Variants in CCDC141 observed in about 807,000 individuals in gnomAD.
CCDC141 encodes the protein coiled-coil domain-containing protein 141.
In CCDC141, 168 loss-of-function variants were observed where a neutral mutation model predicts 181.0. The ratio of observed to expected loss-of-function variants is 0.93; its 90% CI spans 0.82 to 1.05. The LOEUF (loss-of-function observed/expected upper bound fraction) is 1.05, where lower values mean the gene tolerates loss of function less well. Ranked by LOEUF, CCDC141 falls within the 50% of genes least tolerant of loss-of-function variation. The pLI, the probability that CCDC141 is intolerant of heterozygous loss-of-function variation, is 0.00. For missense variants in CCDC141, 1,902 were observed against 1,788.5 expected (o/e 1.06, Z -1.14); for synonymous variants, 666 against 642.3 (o/e 1.04, Z -0.56).
chr2:178,901,496 A>C (rs1385697813), intron 8 of CCDC141, among the ~76,000 whole-genome samples: 3 of 152,220 alleles, frequency 2.0e-5, no homozygotes, highest in Admixed American at 2.0e-4. Context: ...ACAGAGCCAA[A>C]GACAAAAAGC....
intron 1 of CCDC141, among the ~76,000 whole-genome samples, chr2:179,048,415 ATAAGAGTT>A (rs1239960833): frequency 6.6e-6 from 1 of 152,160 alleles, no homozygotes. Context: ...TTCAGTTAAA[ATAAGAGTT>A]TCCAGTGTAA....
Position 178,855,385 on chromosome 2 carries a change from A to G in CCDC141, c.3022T>C (p.Leu1008=). 1.2e-6 allele frequency: 2 copies of G among 1,612,040 alleles called. No individual in the cohort carries two copies. The highest frequency in any genetic ancestry group is 1.3e-5 in the African/African-American group (1 of 74,982). ...TCCTGGAAATGCTCAGTCAGGTCCA[A>G]ATTCTTCTTGTAATCTGTCACAACT... is the stretch of plus-strand genomic sequence containing the variant. ...DKVVTDYKKN[L]DLTEHFQEVI... Residue 1008 remains leucine, a synonymous_variant, in exon 19 of 24, where the codon TTG becomes CTG. Transcript: ENST00000443758.
chr2:178,941,073 G>C (rs1364426327), intron 6 of CCDC141, among the ~76,000 whole-genome samples: 2 of 152,126 alleles, frequency 1.3e-5, no homozygotes, highest in Non-Finnish European at 2.9e-5. Flanking sequence ...AATGGCTGTG[G>C]ATAAGTCTAT....
intron 2 of CCDC141, among the ~76,000 whole-genome samples, chr2:179,029,569 G>T (rs2042948527): frequency 6.6e-6 from 1 of 152,072 alleles, no homozygotes; most frequent in African/African-American, 2.4e-5. Context: ...ACAATCCTTT[G>T]TGTACCAACT....
chr2:178,981,649 T>C (rs926735878), intron 2 of CCDC141, among the ~76,000 whole-genome samples: 1 of 100,196 alleles, frequency 1.0e-5, no homozygotes, highest in Non-Finnish European at 2.3e-5. Context: ...TATATATATA[T>C]ATATATATAC....
the CCDC141 span, among the ~76,000 whole-genome samples, chr2:178,815,087 C>G: frequency 6.6e-5 from 10 of 152,166 alleles, no homozygotes; most frequent in Non-Finnish European, 2.9e-5. Context: ...AATCTTCGAA[C>G]TTCAAGTCTT....
chr2:178,989,605 A>AAATAAAT (rs1553498032), intron 2 of CCDC141, among the ~76,000 whole-genome samples: 13 of 136,874 alleles, frequency 9.5e-5, no homozygotes, highest in African/African-American at 2.0e-4. Flanking sequence ...AAAAAAAAAA[A>AAATAAAT]AAATAAATAA....
At chr2:178,893,823 GCACACACA>G (rs34654821) in intron 8 of CCDC141, among the ~76,000 whole-genome samples, 1 of 141,892 alleles carries the variant, frequency 7.0e-6, no homozygotes, top group Non-Finnish European at 1.6e-5. Context: ...ACACACACAC[GCACACACA>G]CACACACACA....
the CCDC141 span, among the ~76,000 whole-genome samples, chr2:178,820,226 C>T: frequency 6.6e-6 from 1 of 152,092 alleles, no homozygotes; most frequent in African/African-American, 2.4e-5. Flanking sequence ...TATTTTTACT[C>T]TTCGTATTTG....
intron 2 of CCDC141, among the ~76,000 whole-genome samples, chr2:179,015,516 A>G (rs1451336012): frequency 1.5e-4 from 3 of 20,116 alleles, no homozygotes; most frequent in African/African-American, 3.2e-4. Flanking sequence ...TCATATATGT[A>G]TCACATATAT....
At chr2:178,858,622 A>C (rs1047393393) in intron 17 of CCDC141, among the ~76,000 whole-genome samples, 10 of 152,170 alleles carry the variant, frequency 6.6e-5, no homozygotes, top group African/African-American at 2.4e-4. Context: ...AAAACAGTTA[A>C]GCTGGTAAAT....
At chr2:178,915,250 T>C (rs570841409) in intron 7 of CCDC141, among the ~76,000 whole-genome samples, 1 of 152,268 alleles carries the variant, frequency 6.6e-6, no homozygotes, top group South Asian at 2.1e-4. Context: ...TAACCAGGAA[T>C]ATGATAAAAC....
At chr2:178,891,790 T>G (rs1687164019) in intron 8 of CCDC141, among the ~76,000 whole-genome samples, 1 of 151,654 alleles carries the variant, frequency 6.6e-6, no homozygotes, top group Non-Finnish European at 1.5e-5. Context: ...TCTCTCTCTC[T>G]CTCTCTCTGT....
chr2:178,918,641 G>A (rs1349317127), intron 7 of CCDC141, 72 bp downstream of exon 7: 2 of 1,254,412 alleles, frequency 1.6e-6, no homozygotes, highest in African/African-American at 1.5e-5. Flanking sequence ...ATGTGCTCCA[G>A]TCAGTTGAAG....
chr2:178,936,964 GA>G (rs1455024149), intron 6 of CCDC141, among the ~76,000 whole-genome samples: 6 of 151,998 alleles, frequency 3.9e-5, no homozygotes, highest in Non-Finnish European at 7.4e-5. Flanking sequence ...AAACTTTGCT[GA>G]AGTTATCAGC....
intron 22 of CCDC141, among the ~76,000 whole-genome samples, chr2:178,838,390 C>A (rs550077010): frequency 4.6e-5 from 7 of 152,302 alleles, no homozygotes; most frequent in Admixed American, 1.3e-4. Context: ...CCACTAAACA[C>A]TAACCCCCTA....
chr2:178,996,951 A>G (rs1575323635), intron 2 of CCDC141, among the ~76,000 whole-genome samples: 1 of 152,330 alleles, frequency 6.6e-6, no homozygotes, highest in East Asian at 1.9e-4. Flanking sequence ...ATGCTTCCCA[A>G]GACCTATCAA....
At chr2:179,003,353 C>A (rs932524658) in intron 2 of CCDC141, among the ~76,000 whole-genome samples, 9 of 152,090 alleles carry the variant, frequency 5.9e-5, no homozygotes, top group African/African-American at 2.2e-4. Context: ...AGAACCAGAC[C>A]CTGGAGTCCA....
intron 5 of CCDC141, among the ~76,000 whole-genome samples, chr2:178,956,333 G>A (rs538071062): frequency 6.6e-6 from 1 of 152,284 alleles, no homozygotes; most frequent in South Asian, 2.1e-4. Flanking sequence ...GTCTCACTCT[G>A]TCACCCAGAC....
Sources: gnomAD v4.1 joint callset for allele counts (sites outside exome capture counted in the v4.1 genomes callset) on GRCh38, gnomAD v4.1.1 for gene constraint, MANE v1.5 for transcripts, NCBI Gene and HGNC (gene_info 2026-07-23, HGNC 2026-07-21) for gene names.